Variants in VPS26B observed in about 807,000 individuals in gnomAD.
VPS26B encodes the protein vacuolar protein sorting-associated protein 26B.
In VPS26B, 10 loss-of-function variants were observed where a neutral mutation model predicts 33.3. The ratio of observed to expected loss-of-function variants is 0.30; its 90% CI spans 0.19 to 0.51. VPS26B has a LOEUF of 0.51. Ranked by LOEUF, VPS26B falls within the 20% of genes least tolerant of loss-of-function variation. The pLI is 0.98. For synonymous variants in VPS26B, 190 were observed against 176.9 expected, an observed-to-expected ratio of 1.07 and a Z score of -0.59; for missense variants, 317 against 452.7, an observed-to-expected ratio of 0.70 and a Z score of 2.72.
intron 1 of VPS26B, among the ~76,000 whole-genome samples, chr11:134,233,734 A>G (rs1049607736): frequency 3.6e-5 from 3 of 83,676 alleles, no homozygotes; most frequent in Non-Finnish European, 6.2e-5. Context: ...CAAAAAACAA[A>G]CAAAAAAAGC....
chr11:134,226,727 A>G (rs1938481210), intron 1 of VPS26B, among the ~76,000 whole-genome samples: 1 of 152,176 alleles, frequency 6.6e-6, no homozygotes, highest in South Asian at 2.1e-4. Flanking sequence ...CTGAGAGTTT[A>G]GCAAAGAATT....
intron 1 of VPS26B, among the ~76,000 whole-genome samples, chr11:134,228,500 G>A (rs1422180643): frequency 6.6e-6 from 1 of 151,060 alleles, no homozygotes; most frequent in Non-Finnish European, 1.5e-5. Flanking sequence ...GCTTTGGGAT[G>A]TATTTCTTGA....
At chr11:134,232,510 G>C (rs980941596) in intron 1 of VPS26B, among the ~76,000 whole-genome samples, 1 of 152,228 alleles carries the variant, frequency 6.6e-6, no homozygotes, top group Non-Finnish European at 1.5e-5. Context: ...CAGGAGGAAA[G>C]GCACTAGGGA....
At position 134,246,400 on chromosome 11, in the gene VPS26B, T is replaced by C. The variant is rs1281130298; in HGVS notation, c.*810T>C. 7 of 152,152 alleles carry C rather than the reference T, an allele frequency of 4.6e-5. No homozygotes were observed. In the East Asian group the frequency reaches 1.4e-3, roughly 29 times the overall value. The allele number at this position is 152,152 out of a possible 1,614,324, so 9.4% of individuals were successfully genotyped here. A position where few individuals can be genotyped will look rare whatever the true frequency, so the allele number is the denominator to read the frequency against. On this transcript the variant is annotated 3_prime_UTR_variant, in exon 6 of 6. Transcript: ENST00000281187. Reference sequence around the variant, plus strand: ...CCCAAGGTCTGGGCTGTTCTAGGTATTGCTTCACGTGCCCCAGCAAGCCCT... The same window carrying C: ...CCCAAGGTCTGGGCTGTTCTAGGTACTGCTTCACGTGCCCCAGCAAGCCCT...
At position 134,240,995 on chromosome 11, in the gene VPS26B, G is replaced by C. The variant is rs1329936816; in HGVS notation, c.545+840G>C. Among the ~76,000 whole-genome samples, 1 of 152,106 alleles carries C rather than the reference G, an allele frequency of 6.6e-6. No homozygotes were observed. Among genetic ancestry groups the C allele is most frequent in the Non-Finnish European group, 1.5e-5 (1 of 68,022 alleles). ...ATGACTTTATTTTAACTGGCAAGTT[G>C]GGAAGATGTATATCTTTTAAACTGT... is the stretch of plus-strand genomic sequence containing the variant. On this transcript the variant is annotated intron_variant, in intron 3 of 5. Transcript: ENST00000281187. This position sits in a 1 kb window ranked among gnomAD's most constrained non-coding sequence, Gnocchi z 4.4.
At position 134,245,798 on chromosome 11, in the gene VPS26B, C is replaced by T. The variant is rs970182597; in HGVS notation, c.*208C>T. The T allele has an allele frequency of 1.2e-4, 76 of 649,516 alleles. No homozygotes were observed. The highest frequency in any genetic ancestry group is 1.8e-4 in the Non-Finnish European group (70 of 393,590). The allele number at this position is 649,516 out of a possible 1,614,324, so 40.2% of individuals were successfully genotyped here. On this transcript the variant is annotated 3_prime_UTR_variant, in exon 6 of 6. Coordinates refer to ENST00000281187, the MANE Select transcript of VPS26B (RefSeq NM_052875.5). The surrounding 1 kb of genome is among the most constrained non-coding windows in gnomAD (Gnocchi z 4.7). ...CAGTCTCTCCTTGGGATTCTGCGGC[C>T]GATGTGGGATAGAAGAGGTAGCATC...
intron 1 of VPS26B, 76 bp downstream of exon 1, chr11:134,225,421 C>T: frequency 7.0e-7 from 1 of 1,438,708 alleles, no homozygotes; most frequent in Non-Finnish European, 9.6e-7. Flanking sequence ...GGCCCAGCTC[C>T]TCCGGCGAGG....
rs574148431 is a variant in VPS26B at position 134,227,112 on chromosome 11, A to G, written c.223+1767A>G. On this transcript the variant is annotated intron_variant, in intron 1 of 5. Transcript: ENST00000281187. ...ATGTTTAGCAGCATTCCCAGCCTCT[A>G]CTGACCAGACAACAGTAGCATCCCC... Among the ~76,000 whole-genome samples, 168 of 152,268 alleles carry G rather than the reference A, an allele frequency of 1.1e-3. 1 individual carries two copies. Among genetic ancestry groups the G allele is most frequent in the Non-Finnish European group, 1.2e-3 (81 of 68,034 alleles).
chr11:134,227,157 GT>G (rs1236769401), intron 1 of VPS26B, among the ~76,000 whole-genome samples: 1 of 152,200 alleles, frequency 6.6e-6, no homozygotes, highest in African/African-American at 2.4e-5. Context: ...CCACAAAAAT[GT>G]CTTCAGATAT....
intron 1 of VPS26B, among the ~76,000 whole-genome samples, chr11:134,228,825 C>A (rs1469059003): frequency 6.6e-6 from 1 of 152,046 alleles, no homozygotes; most frequent in African/African-American, 2.4e-5. Flanking sequence ...TCATTGCATT[C>A]TTTGACTATG....
At chr11:134,238,988 G>T (rs1938678509) in intron 2 of VPS26B, among the ~76,000 whole-genome samples, 1 of 152,136 alleles carries the variant, frequency 6.6e-6, no homozygotes. Context: ...TATTACATTA[G>T]ATTATATTAA....
intron 1 of VPS26B, among the ~76,000 whole-genome samples, chr11:134,230,836 G>C (rs374789640): frequency 1.3e-5 from 2 of 152,158 alleles, no homozygotes; most frequent in Admixed American, 6.5e-5. Flanking sequence ...GCAAGTTTTC[G>C]AGCCACACTG....
intron 1 of VPS26B, among the ~76,000 whole-genome samples, chr11:134,227,327 T>G (rs927123701): frequency 2.0e-5 from 3 of 152,220 alleles, no homozygotes; most frequent in African/African-American, 7.2e-5. Flanking sequence ...GTTATTGCAT[T>G]GATTCTTTGG....
At position 134,244,001 on chromosome 11, in the gene VPS26B, C is replaced by T. The variant is rs985175408; in HGVS notation, c.721+707C>T. 1.3e-5 allele frequency: 2 copies of T among 152,214 alleles called. No individual in the cohort carries two copies. The highest frequency in any genetic ancestry group is 4.8e-5 in the African/African-American group (2 of 41,426). The allele number at this position is 152,214 out of a possible 1,614,324, so 9.4% of individuals were successfully genotyped here. A position where few individuals can be genotyped will look rare whatever the true frequency, so the allele number is the denominator to read the frequency against. On this transcript the variant is annotated intron_variant, in intron 4 of 5. Coordinates refer to ENST00000281187, the MANE Select transcript of VPS26B (RefSeq NM_052875.5). The surrounding 1 kb of genome is among the most constrained non-coding windows in gnomAD (Gnocchi z 4.0). ...GCTTCCAGGGTTTTATTGGCTTATT[C>T]CTTTTACTCCCACAGGCTGTTCCAT...
In VPS26B at chr11:134,244,969, C is replaced by G. The variant is rs144391409; in HGVS notation, c.753C>G (p.Ala251=). 6.2e-7 allele frequency: 1 copy of G among 1,613,982 alleles called. No homozygotes were observed. Among genetic ancestry groups the G allele is most frequent in the South Asian group, 1.1e-5 (1 of 91,076 alleles). The change falls in exon 5 of 6, where the codon GCC becomes GCG. Residue 251 remains alanine, a synonymous_variant. Coordinates refer to ENST00000281187, the MANE Select transcript of VPS26B (RefSeq NM_052875.5). This position sits in a 1 kb window ranked among gnomAD's most constrained non-coding sequence, Gnocchi z 4.0. ...CCATCCCGATCCGGCTCTTCCTGGC[C>G]GGGTATGAGCTCACGCCCACCATGC... The part of the protein sequence containing the change: ...GESIPIRLFL[A]GYELTPTMRD...
intron 1 of VPS26B, 61 bp from the exon 2 acceptor site, chr11:134,234,836 C>A: frequency 1.3e-6 from 2 of 1,576,768 alleles, no homozygotes; most frequent in Admixed American, 1.7e-5. Context: ...CAGCCCCCTA[C>A]TCGGCCCGGT....
Position 134,245,636 on chromosome 11 carries a change from T to C in VPS26B, c.*46T>C, listed in dbSNP as rs1332657320. The C allele has an allele frequency of 2.0e-5, 31 of 1,563,846 alleles. No individual in the cohort carries two copies. Among genetic ancestry groups the C allele is most frequent in the Non-Finnish European group, 2.6e-5 (30 of 1,156,100 alleles). On this transcript the variant is annotated 3_prime_UTR_variant, in exon 6 of 6. Transcript: ENST00000281187. The surrounding 1 kb of genome is among the most constrained non-coding windows in gnomAD (Gnocchi z 4.7). ...GCTGGGCACCCACCCAGCACCCCCA[T>C]CTACCAACACCAGCGGCTGGGGGCG...
intron 3 of VPS26B, 146 bp from the exon 4 acceptor site, chr11:134,242,973 C>G: frequency 1.3e-6 from 1 of 753,234 alleles, no homozygotes; most frequent in Non-Finnish European, 2.2e-6. Flanking sequence ...ACAGTTCAGC[C>G]ACAGCCATGT....
At position 134,240,175 on chromosome 11, in the gene VPS26B, G is replaced by C; in HGVS notation, c.545+20G>C. The C allele has an allele frequency of 6.2e-7, 1 of 1,613,512 alleles. No individual in the cohort carries two copies. Among genetic ancestry groups the C allele is most frequent in the Non-Finnish European group, 8.5e-7 (1 of 1,179,588 alleles). ...ATCCAAGTAAGTGTCTCAGTGCCAA[G>C]GTTGTGAAATGATTATTTAAGGAGG... is the stretch of plus-strand genomic sequence containing the variant. On this transcript the variant is annotated intron_variant, in intron 3 of 5. Transcript: ENST00000281187. This position sits in a 1 kb window ranked among gnomAD's most constrained non-coding sequence, Gnocchi z 4.4.
Sources: gnomAD v4.1 joint callset for allele counts (sites outside exome capture counted in the v4.1 genomes callset) on GRCh38, gnomAD v4.1.1 for gene constraint, Gnocchi (gnomAD v3.1) non-coding constraint, MANE v1.5 for transcripts, NCBI Gene and HGNC (gene_info 2026-07-23, HGNC 2026-07-21) for gene names.